The following CLN6 variants were observed in gnomAD, a reference collection of about 807,000 sequenced individuals.
CLN6 encodes the protein CLN6 transmembrane ER protein.
In CLN6, 22 loss-of-function variants were observed where a neutral mutation model predicts 33.3. The observed-to-expected ratio is 0.66, with a 90% CI of 0.47 to 0.94. The LOEUF (loss-of-function observed/expected upper bound fraction) is 0.94, where lower values mean the gene tolerates loss of function less well. CLN6 is among the 40% of genes least tolerant of loss of function. The pLI, the probability that CLN6 is intolerant of heterozygous loss-of-function variation, is 0.00. For synonymous variants in CLN6, 201 were observed against 174.6 expected (o/e 1.15, Z -1.19); for missense variants, 387 against 417.1 (o/e 0.93, Z 0.63).
chr15:68,229,364 C>T (rs946305457), intron 1 of CLN6, 138 bp downstream of exon 1: 4 of 565,986 alleles, frequency 7.1e-6, no homozygotes, highest in South Asian at 7.3e-5. Context: ...CGCCTCCAAG[C>T]CCCCCGCGCT....
At chr15:68,238,762 G>A (rs551438596) in intron 1 of CLN6, among the ~76,000 whole-genome samples, 6 of 152,218 alleles carry the variant, frequency 3.9e-5, no homozygotes, top group Middle Eastern at 3.4e-3. Flanking sequence ...GAAAATGATC[G>A]CAGAAGAAGG....
chr15:68,208,094 G>GCCCCCCCCCCCCCCCCC lies in CLN6; in HGVS notation c.*45_*46insGGGGGGGGGGGGGGGGG. 25 of 1,375,268 alleles carry GCCCCCCCCCCCCCCCCC rather than the reference G, an allele frequency of 1.8e-5. No homozygotes were observed. Among genetic ancestry groups the GCCCCCCCCCCCCCCCCC allele is most frequent in the East Asian group, 1.0e-4 (4 of 39,906 alleles). 85.2% of individuals were successfully genotyped at this position (1,375,268 alleles called of 1,614,324 possible). A position where few individuals can be genotyped will look rare whatever the true frequency, so the allele number is the denominator to read the frequency against. On this transcript the variant is annotated 3_prime_UTR_variant, in exon 7 of 7. Coordinates refer to ENST00000249806, the MANE Select transcript of CLN6 (RefSeq NM_017882.3). The surrounding 1 kb of genome is among the most constrained non-coding windows in gnomAD (Gnocchi z 5.8). ...CTCCTGTATTCAGATGCCCTCCATG[G>GCCCCCCCCCCCCCCCCC]CCCACCCTCCCACCCAGCAGAGCGC...
chr15:68,254,126 G>T (rs536210875), intron 1 of CLN6, among the ~76,000 whole-genome samples: 1 of 152,064 alleles, frequency 6.6e-6, no homozygotes, highest in African/African-American at 2.4e-5. Flanking sequence ...TGATCCGCCC[G>T]TCTCGGCCTC....
rs1595817056 is a variant in CLN6, at chr15:68,209,478, G to C, written c.665+159C>G. Among the ~76,000 whole-genome samples, 2 of 152,126 alleles carry C rather than the reference G, an allele frequency of 1.3e-5. No homozygotes were observed. The highest frequency in any genetic ancestry group is 3.9e-4 in the East Asian group (2 of 5,180). ...CATGGAAACAAAGAGGCCACCACAG[G>C]GCATTGTCACAGTCCCCACTAGACA... On this transcript the variant is annotated intron_variant, in intron 6 of 6. Coordinates refer to ENST00000249806, the MANE Select transcript of CLN6 (RefSeq NM_017882.3). The surrounding 1 kb of genome is among the most constrained non-coding windows in gnomAD (Gnocchi z 4.9).
intron 2 of CLN6, chr15:68,214,633 A>C: frequency 2.0e-6 from 1 of 491,032 alleles, no homozygotes; most frequent in East Asian, 3.8e-5. Flanking sequence ...AGCAGATGCA[A>C]TTCCAGTCAA....
chr15:68,218,767 T>C (rs1447757048), intron 1 of CLN6, 117 bp from the exon 2 acceptor site: 5 of 730,294 alleles, frequency 6.8e-6, no homozygotes, highest in East Asian at 5.7e-5. Flanking sequence ...ACACACATAA[T>C]TGAGTTCTAT....
At chr15:68,222,702 AAAAG>A (rs1269412562) in intron 1 of CLN6, among the ~76,000 whole-genome samples, 3 of 152,324 alleles carry the variant, frequency 2.0e-5, no homozygotes, top group South Asian at 2.1e-4. Flanking sequence ...AAATGTGGGG[AAAAG>A]AAAGAGAGAT....
At chr15:68,218,863 C>T (rs1420405349) in intron 1 of CLN6, among the ~76,000 whole-genome samples, 1 of 152,260 alleles carries the variant, frequency 6.6e-6, no homozygotes, top group South Asian at 2.1e-4. Flanking sequence ...TAGCTTCTCT[C>T]TGATTCAGGA....
At chr15:68,249,930 G>C (rs1241186045) in intron 1 of CLN6, among the ~76,000 whole-genome samples, 1 of 151,998 alleles carries the variant, frequency 6.6e-6, no homozygotes, top group African/African-American at 2.4e-5. Context: ...GAACCATCAG[G>C]CCTGGCTAAT....
Position 68,210,273 on chromosome 15 carries a change from T to C in CLN6, c.543-514A>G, listed in dbSNP as rs1297714589. 8.2e-6 allele frequency among the ~76,000 whole-genome samples: 1 copy of C among 122,520 alleles called. No individual in the cohort carries two copies. The highest frequency in any genetic ancestry group is 2.5e-4 in the East Asian group (1 of 3,930). The allele number at this position is 122,520 out of a possible 152,430, so 80.4% of individuals were successfully genotyped here. ...CTCCCCTCTCCACACACCGGCTCCC[T>C]TTCTCCCACCTGTGCTTTCACCAGT... On this transcript the variant is annotated intron_variant, in intron 5 of 6. Coordinates refer to ENST00000249806, the MANE Select transcript of CLN6 (RefSeq NM_017882.3). This position sits in a 1 kb window ranked among gnomAD's most constrained non-coding sequence, Gnocchi z 5.6.
intron 1 of CLN6, among the ~76,000 whole-genome samples, chr15:68,253,878 T>TC (rs1892405883): frequency 6.6e-6 from 1 of 151,572 alleles, no homozygotes; most frequent in Non-Finnish European, 1.5e-5. Flanking sequence ...ACATTTTTTT[T>TC]TTTTTTTGAG....
In CLN6 at chr15:68,212,000, T is replaced by A; in HGVS notation, c.298-137A>T. 1.2e-6 allele frequency: 1 copy of A among 866,490 alleles called. No individual in the cohort carries two copies. The highest frequency in any genetic ancestry group is 1.8e-6 in the Non-Finnish European group (1 of 557,096). The allele number at this position is 866,490 out of a possible 1,614,324, so 53.7% of individuals were successfully genotyped here. A position where few individuals can be genotyped will look rare whatever the true frequency, so the allele number is the denominator to read the frequency against. Reference sequence around the variant, plus strand: ...CACTCCAAAAAGTGGCTGGTCCCTTTAGCAGGCCAGCCCAGCCTCCAGATC... The same window carrying A: ...CACTCCAAAAAGTGGCTGGTCCCTTAAGCAGGCCAGCCCAGCCTCCAGATC... On this transcript the variant is annotated intron_variant, in intron 3 of 6. Coordinates refer to ENST00000249806, the MANE Select transcript of CLN6 (RefSeq NM_017882.3). This position sits in a 1 kb window ranked among gnomAD's most constrained non-coding sequence, Gnocchi z 5.9.
rs188399267 is a variant in CLN6 at position 68,234,845 on chromosome 15, C to T, written c.180-16195G>A. The stretch of plus-strand genomic sequence containing the variant: ...CAGCCTGGCCAACATAGTGAAACTC[C>T]GTCTCTACTAAAAATACAACAATTA... On this transcript the variant is annotated intron_variant, in intron 1 of 6. Coordinates refer to the CLN6 transcript ENST00000538696. This position sits in a 1 kb window ranked among gnomAD's most constrained non-coding sequence, Gnocchi z 4.1. Among the ~76,000 whole-genome samples the T allele has an allele frequency of 3.7e-4, 56 of 152,204 alleles. No individual in the cohort carries two copies. The highest frequency in any genetic ancestry group is 9.2e-4 in the Admixed American group (14 of 15,284).
intron 1 of CLN6, among the ~76,000 whole-genome samples, chr15:68,254,022 C>G (rs891059178): frequency 7.9e-5 from 12 of 151,992 alleles, no homozygotes; most frequent in East Asian, 1.9e-4. Context: ...GGACTACAGG[C>G]GCCCACCACC....
intron 1 of CLN6, among the ~76,000 whole-genome samples, chr15:68,226,029 T>G (rs572833311): frequency 1.4e-5 from 2 of 144,084 alleles, no homozygotes; most frequent in South Asian, 4.4e-4. Context: ...TTTTTAAGAG[T>G]GTGGACTTGG....
intron 1 of CLN6, chr15:68,255,070 T>G: frequency 1.7e-6 from 1 of 581,394 alleles, no homozygotes; most frequent in South Asian, 2.0e-5. Flanking sequence ...GGGGCATATG[T>G]CACTAACAGA....
chr15:68,224,067 C>T (rs1213573730), intron 1 of CLN6, among the ~76,000 whole-genome samples: 1 of 150,230 alleles, frequency 6.7e-6, no homozygotes, highest in Non-Finnish European at 1.5e-5. Context: ...ACAACAACAA[C>T]AACAACAACA....
chr15:68,239,555 G>A (rs997933171), intron 1 of CLN6, among the ~76,000 whole-genome samples: 7 of 152,096 alleles, frequency 4.6e-5, no homozygotes, highest in African/African-American at 1.7e-4. Flanking sequence ...TATTTATCAG[G>A]AAGATGTAAT....
rs1181979384 is a variant in CLN6 at position 68,208,259 on chromosome 15, C to A, written c.817G>T (p.Val273Leu). Residue 273 changes from valine (V) to leucine (L), a missense_variant, in exon 7 of 7, where the codon GTG becomes TTG. By Grantham distance (32) the Val-to-Leu change is conservative. Transcript: ENST00000249806. The surrounding 1 kb of genome is among the most constrained non-coding windows in gnomAD (Gnocchi z 5.8). ...CACAGCCAGGCGACCCAGAGCGCCACAAGCAAGAGGGTCAGTGCGAAGGAG... is the reference window on the plus strand; with the variant it reads ...CACAGCCAGGCGACCCAGAGCGCCAAAAGCAAGAGGGTCAGTGCGAAGGAG... ...FSSFALTLLL[V>L]ALWVAWLWND... 1.9e-6 allele frequency: 3 copies of A among 1,614,114 alleles called. No individual in the cohort carries two copies. Among genetic ancestry groups the A allele is most frequent in the South Asian group, 2.2e-5 (2 of 91,088 alleles).
Sources: allele counts gnomAD v4.1 joint callset (sites outside exome capture counted in the v4.1 genomes callset), GRCh38; gene constraint gnomAD v4.1.1; non-coding constraint Gnocchi (gnomAD v3.1); transcripts MANE v1.5; gene names NCBI Gene and HGNC (gene_info 2026-07-23, HGNC 2026-07-21).